The following CALN1 variants were observed in gnomAD, a reference collection of about 807,000 sequenced individuals.
CALN1 encodes the protein calcium-binding protein 8.
CALN1 carries 17 observed loss-of-function variants against 30.6 expected under a neutral mutation model. That is an observed-to-expected ratio of 0.56 (90% CI 0.38 to 0.83). The LOEUF (loss-of-function observed/expected upper bound fraction) is 0.83. Ranked by LOEUF, CALN1 falls within the 40% of genes least tolerant of loss-of-function variation. The pLI, the probability that CALN1 is intolerant of heterozygous loss-of-function variation, is 0.00. For synonymous variants in CALN1, 156 were observed against 131.4 expected, an observed-to-expected ratio of 1.19 and a Z score of -1.28; for missense variants, 291 against 354.9, an observed-to-expected ratio of 0.82 and a Z score of 1.45.
At chr7:71,876,063 G>C (rs1466215926) in intron 5 of CALN1, among the ~76,000 whole-genome samples, 1 of 152,190 alleles carries the variant, frequency 6.6e-6, no homozygotes, top group Non-Finnish European at 1.5e-5. Flanking sequence ...CTGCTTCATG[G>C]TAGGTTATGT....
intron 2 of CALN1, among the ~76,000 whole-genome samples, chr7:72,292,749 A>T (rs1454877941): frequency 7.2e-6 from 1 of 138,670 alleles, no homozygotes; most frequent in Non-Finnish European, 1.5e-5. Flanking sequence ...TGAACCTGGG[A>T]GGTGAAGGTT....
At chr7:71,819,142 A>G (rs571979344) in intron 5 of CALN1, among the ~76,000 whole-genome samples, 1 of 152,014 alleles carries the variant, frequency 6.6e-6, no homozygotes, top group East Asian at 1.9e-4. Flanking sequence ...GACATGCACC[A>G]CCACTTGTTT....
chr7:71,927,066 A>G (rs1181938582), intron 5 of CALN1, among the ~76,000 whole-genome samples: 1 of 152,190 alleles, frequency 6.6e-6, no homozygotes, highest in South Asian at 2.1e-4. Context: ...TTGCACATGA[A>G]CACTGTGAGG....
chr7:71,871,820 T>C (rs1003212395), intron 5 of CALN1, among the ~76,000 whole-genome samples: 2 of 152,168 alleles, frequency 1.3e-5, no homozygotes, highest in Non-Finnish European at 2.9e-5. Context: ...CTCAGATTTA[T>C]ATAAATGTCA....
At chr7:72,080,018 G>A (rs1056706380) in intron 4 of CALN1, among the ~76,000 whole-genome samples, 9 of 151,948 alleles carry the variant, frequency 5.9e-5, no homozygotes, top group African/African-American at 2.2e-4. Flanking sequence ...TGTTCTGCTC[G>A]CCTCGGCCTC....
At chr7:72,236,969 C>A (rs941597996) in intron 3 of CALN1, among the ~76,000 whole-genome samples, 1 of 148,556 alleles carries the variant, frequency 6.7e-6, no homozygotes, top group South Asian at 2.1e-4. Flanking sequence ...TAGTTGGGAA[C>A]TTTTTTTTTT....
chr7:72,076,480 C>T (rs1023386765), intron 4 of CALN1, among the ~76,000 whole-genome samples: 1 of 151,104 alleles, frequency 6.6e-6, no homozygotes, highest in East Asian at 1.9e-4. Context: ...TGCCTGTAAT[C>T]CCAGCTACTT....
chr7:72,201,132 G>T (rs553826763), intron 3 of CALN1, among the ~76,000 whole-genome samples: 99 of 152,310 alleles, frequency 6.5e-4, no homozygotes, highest in African/African-American at 2.2e-3. Flanking sequence ...CAGGCAACAT[G>T]AGTGCAGCTG....
the CALN1 span, among the ~76,000 whole-genome samples, chr7:72,503,830 G>T: frequency 1.7e-5 from 2 of 119,242 alleles, no homozygotes; most frequent in Non-Finnish European, 3.4e-5. Flanking sequence ...TGGCCAGAGA[G>T]GAGGATCGCA....
At chr7:72,194,708 C>T (rs1474947179) in intron 3 of CALN1, among the ~76,000 whole-genome samples, 4 of 150,960 alleles carry the variant, frequency 2.6e-5, no homozygotes, top group Admixed American at 1.3e-4. Flanking sequence ...TCTCCTGCCT[C>T]GGCCTCCCAA....
At position 72,404,825 on chromosome 7, in the gene CALN1, G is replaced by A. The variant is rs193208569; in HGVS notation, c.-73-1383C>T. 2.8e-4 allele frequency among the ~76,000 whole-genome samples: 43 copies of A among 152,308 alleles called. No individual in the cohort carries two copies. In the East Asian group the frequency reaches 8.1e-3, roughly 29 times the overall value. Reference sequence around the variant, plus strand: ...TGGATGGTGGACATTATTGTTGCAGGTTGTTGTAAATCTGCACGCACAGTA... The same window carrying A: ...TGGATGGTGGACATTATTGTTGCAGATTGTTGTAAATCTGCACGCACAGTA... On this transcript the variant is annotated intron_variant, in intron 1 of 6. Coordinates refer to ENST00000395275, the MANE Select transcript of CALN1 (RefSeq NM_031468.4).
chr7:72,467,325 C>G, the CALN1 span, among the ~76,000 whole-genome samples: 1 of 152,194 alleles, frequency 6.6e-6, no homozygotes, highest in East Asian at 1.9e-4. Flanking sequence ...GGTGCCATGC[C>G]AGAGCAGCCC....
intron 3 of CALN1, among the ~76,000 whole-genome samples, chr7:72,172,415 C>A (rs1001342418): frequency 1.4e-4 from 21 of 152,192 alleles, no homozygotes; most frequent in African/African-American, 5.1e-4. Flanking sequence ...GTCAGTCTTG[C>A]ATAGCCCTGG....
At chr7:72,336,880 G>A (rs1802094206) in intron 2 of CALN1, 6 of 984,856 alleles carry the variant, frequency 6.1e-6, no homozygotes, top group African/African-American at 1.8e-5. Flanking sequence ...CGGCATCCTC[G>A]CTGCCGCCGG....
intron 5 of CALN1, among the ~76,000 whole-genome samples, chr7:71,884,343 G>A (rs529549014): frequency 6.6e-6 from 1 of 152,244 alleles, no homozygotes; most frequent in African/African-American, 2.4e-5. Flanking sequence ...CCAGAATCTT[G>A]GGGGGTGTAA....
chr7:72,499,974 C>T, the CALN1 span, among the ~76,000 whole-genome samples: 111 of 150,946 alleles, frequency 7.4e-4, 7 homozygotes, highest in African/African-American at 2.7e-3. Flanking sequence ...TACAGTGGCA[C>T]GATCTTGGCT....
chr7:72,145,423 A>T (rs1219757133), intron 3 of CALN1, among the ~76,000 whole-genome samples: 3 of 152,226 alleles, frequency 2.0e-5, no homozygotes. Flanking sequence ...TAAACCAGGA[A>T]GAAGTTGAAT....
chr7:72,182,919 G>T (rs1324474206), intron 3 of CALN1, among the ~76,000 whole-genome samples: 1 of 152,174 alleles, frequency 6.6e-6, no homozygotes, highest in Non-Finnish European at 1.5e-5. Context: ...GCAGAGGAAG[G>T]TCGAACGGGA....
chr7:72,311,486 G>A (rs1290599053), intron 2 of CALN1, among the ~76,000 whole-genome samples: 4 of 151,488 alleles, frequency 2.6e-5, no homozygotes, highest in Non-Finnish European at 1.5e-5. Context: ...TCTTTTTTGT[G>A]TGTGTGTGTG....
Sources: gnomAD v4.1 joint callset for allele counts (sites outside exome capture counted in the v4.1 genomes callset) on GRCh38, gnomAD v4.1.1 for gene constraint, MANE v1.5 for transcripts, NCBI Gene and HGNC (gene_info 2026-07-23, HGNC 2026-07-21) for gene names.